Variants in PARD3B observed in about 807,000 individuals in gnomAD.
PARD3B encodes the protein par-3 family cell polarity regulator beta, also known as partitioning defective 3 homolog B.
In PARD3B, 103 loss-of-function variants were observed where a neutral mutation model predicts 130.2. That is an observed-to-expected ratio of 0.79 (90% CI 0.67 to 0.93). The LOEUF is 0.93. PARD3B is among the 40% of genes least tolerant of loss of function. The pLI is 0.00. For missense variants in PARD3B, 1,609 were observed against 1,499.2 expected, an observed-to-expected ratio of 1.07 and a Z score of -1.21; for synonymous variants, 583 against 553.2, an observed-to-expected ratio of 1.05 and a Z score of -0.76.
chr2:204,986,353 C>T (rs16836820), intron 3 of PARD3B, among the ~76,000 whole-genome samples: 41,390 of 151,946 alleles, frequency 0.27, 6,057 homozygotes, highest in Admixed American at 0.41. Flanking sequence ...CATGTCTATA[C>T]GACTATGAAG....
chr2:204,635,267 G>C (rs1043747573), intron 1 of PARD3B, among the ~76,000 whole-genome samples: 4 of 152,038 alleles, frequency 2.6e-5, no homozygotes, highest in Non-Finnish European at 4.4e-5. Context: ...GTTTCTCCTT[G>C]GAGCTTTGGT....
At chr2:205,605,302 G>A (rs1285925637) in intron 22 of PARD3B, among the ~76,000 whole-genome samples, 1 of 152,140 alleles carries the variant, frequency 6.6e-6, no homozygotes, top group African/African-American at 2.4e-5. Flanking sequence ...GGCTTTTTAA[G>A]TTTTCATCGT....
At chr2:204,636,483 TGTG>T in intron 1 of PARD3B, among the ~76,000 whole-genome samples, 1 of 151,292 alleles carries the variant, frequency 6.6e-6, no homozygotes, top group East Asian at 1.9e-4. Context: ...TGTGTGTGTG[TGTG>T]TGTGCAGTTA....
chr2:205,113,458 A>G (rs140212236), intron 5 of PARD3B, 33 bp from the exon 6 acceptor site: 32 of 1,508,122 alleles, frequency 2.1e-5, no homozygotes, highest in Admixed American at 5.1e-5. Flanking sequence ...TTTAGCAGAC[A>G]CTCATTTGTG....
At chr2:204,912,044 G>C (rs1339755704) in intron 2 of PARD3B, among the ~76,000 whole-genome samples, 1 of 152,128 alleles carries the variant, frequency 6.6e-6, no homozygotes, top group Non-Finnish European at 1.5e-5. Context: ...TGAGTTTGTA[G>C]GTTAAAATGT....
intron 3 of PARD3B, among the ~76,000 whole-genome samples, chr2:204,966,925 G>A (rs547525511): frequency 4.6e-5 from 7 of 152,030 alleles, no homozygotes; most frequent in South Asian, 4.2e-4. Flanking sequence ...TATTTTTATC[G>A]TTTAAGAGTT....
intron 20 of PARD3B, among the ~76,000 whole-genome samples, chr2:205,498,578 A>C (rs1384465531): frequency 6.6e-6 from 1 of 152,200 alleles, no homozygotes; most frequent in African/African-American, 2.4e-5. Flanking sequence ...GTGGAAAGGG[A>C]ACATACACCA....
intron 3 of PARD3B, among the ~76,000 whole-genome samples, chr2:204,968,830 C>T (rs1323566032): frequency 6.6e-6 from 1 of 152,208 alleles, no homozygotes; most frequent in Admixed American, 6.5e-5. Flanking sequence ...TAAAGGGGTT[C>T]ATAGTCTCAT....
intron 16 of PARD3B, among the ~76,000 whole-genome samples, chr2:205,272,437 A>G (rs979290678): frequency 2.0e-5 from 3 of 152,222 alleles, no homozygotes; most frequent in Non-Finnish European, 4.4e-5. Flanking sequence ...AAACTTTAGT[A>G]TATTTTATAT....
intron 22 of PARD3B, among the ~76,000 whole-genome samples, chr2:205,583,353 T>C (rs1402243252): frequency 6.6e-6 from 1 of 151,696 alleles, no homozygotes; most frequent in African/African-American, 2.4e-5. Flanking sequence ...GCAAAGAAAT[T>C]AGTCATCTCT....
At chr2:204,897,405 G>A (rs1230538569) in intron 2 of PARD3B, among the ~76,000 whole-genome samples, 2 of 52,236 alleles carry the variant, frequency 3.8e-5, no homozygotes, top group African/African-American at 1.1e-4. Context: ...TTTTTTTTGA[G>A]AATTTAAGGG....
chr2:204,865,066 C>T (rs1264863115), intron 2 of PARD3B, among the ~76,000 whole-genome samples: 1 of 151,924 alleles, frequency 6.6e-6, no homozygotes, highest in East Asian at 1.9e-4. Flanking sequence ...AAATCAAAAC[C>T]ACGATATGAT....
chr2:204,916,173 G>A (rs1183677669), intron 2 of PARD3B, among the ~76,000 whole-genome samples: 2 of 152,166 alleles, frequency 1.3e-5, no homozygotes, highest in African/African-American at 4.8e-5. Context: ...AAAAATTAGG[G>A]TCAGGTGGTA....
At chr2:205,050,214 A>T (rs1699097393) in intron 4 of PARD3B, among the ~76,000 whole-genome samples, 1 of 148,742 alleles carries the variant, frequency 6.7e-6, no homozygotes, top group South Asian at 2.1e-4. Context: ...TAATAATACT[A>T]ATTAATAATA....
rs1011396238 is a variant in PARD3B, at chr2:205,116,570, G to C, written c.681-2351G>C. Among the ~76,000 whole-genome samples, 4 of 152,076 alleles carry C rather than the reference G, an allele frequency of 2.6e-5. No individual in the cohort carries two copies. Among genetic ancestry groups the C allele is most frequent in the African/African-American group, 9.7e-5 (4 of 41,402 alleles). On this transcript the variant is annotated intron_variant, in intron 6 of 22. Transcript: ENST00000406610. This position sits in a 1 kb window ranked among gnomAD's most constrained non-coding sequence, Gnocchi z 4.5. ...GGTTAGTCTCGGCCTATAACTCCTC[G>C]ACAGCATTAATCTTTAAATTCTGCG...
At chr2:204,964,708 G>A (rs1178598754) in intron 2 of PARD3B, among the ~76,000 whole-genome samples, 1 of 152,134 alleles carries the variant, frequency 6.6e-6, no homozygotes, top group African/African-American at 2.4e-5. Context: ...TAGGCATCTT[G>A]TAATGTGTTT....
chr2:204,960,739 C>A (rs1159906085), intron 2 of PARD3B, among the ~76,000 whole-genome samples: 2 of 152,028 alleles, frequency 1.3e-5, no homozygotes, highest in South Asian at 2.1e-4. Context: ...CAATCAATAA[C>A]AAACTCAGGG....
At chr2:204,582,143 G>T (rs1336127385) in intron 1 of PARD3B, among the ~76,000 whole-genome samples, 3 of 152,078 alleles carry the variant, frequency 2.0e-5, no homozygotes, top group African/African-American at 7.2e-5. Context: ...GCACCTCTGA[G>T]AACTCCCAGA....
chr2:204,893,613 C>T (rs910423536), intron 2 of PARD3B, among the ~76,000 whole-genome samples: 1 of 152,076 alleles, frequency 6.6e-6, no homozygotes, highest in Non-Finnish European at 1.5e-5. Flanking sequence ...ATTTTAATAG[C>T]ATAGTTTATT....
Sources: gnomAD v4.1 joint callset for allele counts (sites outside exome capture counted in the v4.1 genomes callset) on GRCh38, gnomAD v4.1.1 for gene constraint, Gnocchi (gnomAD v3.1) non-coding constraint, MANE v1.5 for transcripts, NCBI Gene and HGNC (gene_info 2026-07-23, HGNC 2026-07-21) for gene names.